The following STIM1 variants were observed in gnomAD, a reference collection of about 807,000 sequenced individuals.
STIM1 encodes the protein stromal interaction molecule 1.
In STIM1, 25 loss-of-function variants were observed where a neutral mutation model predicts 74.7. The observed-to-expected ratio is 0.33, with a 90% CI of 0.24 to 0.47. The LOEUF is 0.47. Among genes scored for constraint, STIM1 ranks in the 20% least tolerant of loss-of-function variants. STIM1 has a pLI of 1.00. For synonymous variants in STIM1, 328 were observed against 348.8 expected, an observed-to-expected ratio of 0.94 and a Z score of 0.66; for missense variants, 728 against 920.8, an observed-to-expected ratio of 0.79 and a Z score of 2.71.
intron 6 of STIM1, among the ~76,000 whole-genome samples, chr11:4,072,741 T>G (rs1474415275): frequency 6.6e-6 from 1 of 152,230 alleles, no homozygotes; most frequent in Non-Finnish European, 1.5e-5. Context: ...GGACAGTATT[T>G]CAGTGAAGAA....
At chr11:4,043,921 A>G (rs2094169520) in intron 3 of STIM1, among the ~76,000 whole-genome samples, 1 of 152,170 alleles carries the variant, frequency 6.6e-6, no homozygotes, top group African/African-American at 2.4e-5. Context: ...AGGCTGAGGC[A>G]GGAGAATCGC....
chr11:3,860,620 G>A (rs185632303), intron 1 of STIM1, among the ~76,000 whole-genome samples: 35 of 152,188 alleles, frequency 2.3e-4, no homozygotes, highest in African/African-American at 7.2e-4. Context: ...GATGAAAAGC[G>A]GCTGCCTAAT....
intron 2 of STIM1, among the ~76,000 whole-genome samples, chr11:3,980,519 T>C (rs997526850): frequency 6.6e-6 from 1 of 151,132 alleles, no homozygotes; most frequent in Non-Finnish European, 1.5e-5. Flanking sequence ...GGTTCATGCC[T>C]ATAATCTCAG....
At chr11:3,903,332 T>G (rs950775962) in intron 1 of STIM1, 1 of 152,228 alleles carries the variant, frequency 6.6e-6, no homozygotes, top group African/African-American at 2.4e-5. Context: ...GCAACTTGTT[T>G]GTAAGTATTG....
chr11:4,091,414 G>A lies in STIM1; in HGVS notation c.1767G>A (p.Arg589=), dbSNP rs776980519. 1.2e-6 allele frequency: 2 copies of A among 1,614,218 alleles called. No individual in the cohort carries two copies. Among genetic ancestry groups the A allele is most frequent in the Non-Finnish European group, 1.7e-6 (2 of 1,180,032 alleles). Residue 589 remains arginine (R), a synonymous_variant, in exon 13 of 13, where the codon CGG becomes CGA. Coordinates refer to ENST00000526596, the MANE Select transcript of STIM1 (RefSeq NM_001382567.1). The stretch of plus-strand genomic sequence containing the variant: ...CCATGACTTCCAATGGCAGCCACCG[G>A]CTGATCGAGGGGGTCCACCCAGGGT... ...LNAMTSNGSH[R]LIEGVHPGSL...
At chr11:3,981,570 G>A (rs964615196) in intron 2 of STIM1, among the ~76,000 whole-genome samples, 1 of 152,194 alleles carries the variant, frequency 6.6e-6, no homozygotes, top group African/African-American at 2.4e-5. Context: ...AGAGTGGGCT[G>A]GTCAATGGTA....
At chr11:4,061,667 A>G (rs1333409050) in intron 5 of STIM1, among the ~76,000 whole-genome samples, 1 of 152,192 alleles carries the variant, frequency 6.6e-6, no homozygotes, top group East Asian at 1.9e-4. Flanking sequence ...ATTGAAGACA[A>G]GTACTCAAAC....
chr11:4,079,159 C>T (rs1412699651), intron 7 of STIM1, among the ~76,000 whole-genome samples: 4 of 151,836 alleles, frequency 2.6e-5, no homozygotes, highest in South Asian at 4.1e-4. Flanking sequence ...GGCGTGGTGG[C>T]GGGTGTCTGT....
chr11:4,064,684 G>C (rs541896864), intron 5 of STIM1, among the ~76,000 whole-genome samples: 76 of 152,290 alleles, frequency 5.0e-4, no homozygotes, highest in African/African-American at 1.8e-3. Context: ...CTTGGGAAGA[G>C]GGAAGAGGGA....
In STIM1 at chr11:4,091,626, C is replaced by T; in HGVS notation, c.1979C>T (p.Pro660Leu). ...TCCCCAGACCCAGACACACCATCTC[C>T]AGTTGGGGACAGCCGAGCCCTGCAA... ...PSSPDPDTPS[P>L]VGDSRALQAS... The change falls in exon 13 of 13, where the codon CCA becomes CTA. Residue 660 changes from proline to leucine, a missense_variant. Pro to Leu is a moderately conservative substitution (Grantham distance 98). Coordinates refer to ENST00000526596, the MANE Select transcript of STIM1 (RefSeq NM_001382567.1). The T allele has an allele frequency of 6.2e-7, 1 of 1,614,214 alleles. No individual in the cohort carries two copies. Among genetic ancestry groups the T allele is most frequent in the Non-Finnish European group, 8.5e-7 (1 of 1,180,030 alleles).
Position 4,038,660 on chromosome 11 carries a change from G to A in STIM1, c.385+14673G>A, listed in dbSNP as rs718937. 1.9e-3 allele frequency among the ~76,000 whole-genome samples: 290 copies of A among 152,276 alleles called. 4 individuals carry two copies. Among genetic ancestry groups the A allele is most frequent in the African/African-American group, 6.7e-3 (279 of 41,564 alleles). On this transcript the variant is annotated intron_variant, in intron 3 of 12. Coordinates refer to ENST00000526596, the MANE Select transcript of STIM1 (RefSeq NM_001382567.1). Reference sequence around the variant, plus strand: ...GGAGGGGTAATTTTAATTCAGGAGGGAGGGTAAATTCCATCTCTGGTACTT... The same window carrying A: ...GGAGGGGTAATTTTAATTCAGGAGGAAGGGTAAATTCCATCTCTGGTACTT...
chr11:3,995,575 C>T (rs989127537), intron 2 of STIM1, among the ~76,000 whole-genome samples: 1 of 152,168 alleles, frequency 6.6e-6, no homozygotes, highest in Non-Finnish European at 1.5e-5. Flanking sequence ...AATTGCTTCC[C>T]AGACTAATCC....
chr11:4,035,146 G>A (rs1158741110), intron 3 of STIM1, among the ~76,000 whole-genome samples: 1 of 151,586 alleles, frequency 6.6e-6, no homozygotes, highest in Non-Finnish European at 1.5e-5. Flanking sequence ...TTTTAGTTTG[G>A]TAAGGTGAAA....
intron 2 of STIM1, among the ~76,000 whole-genome samples, chr11:3,991,974 A>AAAAAAAAAAAAAAAG (rs2093617447): frequency 9.0e-4 from 40 of 44,480 alleles, no homozygotes; most frequent in Admixed American, 1.6e-3. Flanking sequence ...AAAAAAAAAG[A>AAAAAAAAAAAAAAAG]AAAAAAAAAA....
At chr11:4,027,999 A>AT (rs2094012130) in intron 3 of STIM1, among the ~76,000 whole-genome samples, 2 of 152,182 alleles carry the variant, frequency 1.3e-5, no homozygotes, top group South Asian at 4.1e-4. Context: ...CATGGCTTTC[A>AT]TTTTTTCTAA....
At chr11:3,872,697 A>G (rs1025757921) in intron 1 of STIM1, among the ~76,000 whole-genome samples, 1 of 151,070 alleles carries the variant, frequency 6.6e-6, no homozygotes, top group Non-Finnish European at 1.5e-5. Context: ...AATTTTTTGT[A>G]TTTTTAGTAG....
chr11:3,881,464 G>A (rs1272231209), intron 1 of STIM1, among the ~76,000 whole-genome samples: 8 of 151,666 alleles, frequency 5.3e-5, no homozygotes, highest in Non-Finnish European at 8.8e-5. Flanking sequence ...TCCGCCTCCC[G>A]GGTTCATGCC....
chr11:4,084,519 G>T (rs2094481764), intron 10 of STIM1, among the ~76,000 whole-genome samples, 154 bp from the exon 11 acceptor site: 1 of 152,196 alleles, frequency 6.6e-6, no homozygotes, highest in Non-Finnish European at 1.5e-5. Flanking sequence ...TTGCTGATCT[G>T]AAGGCTTCTG....
At chr11:3,960,884 A>G (rs938764038) in intron 1 of STIM1, among the ~76,000 whole-genome samples, 4 of 152,230 alleles carry the variant, frequency 2.6e-5, no homozygotes, top group Non-Finnish European at 5.9e-5. Flanking sequence ...TCAGAAAACA[A>G]TTATTTTCCA....
Sources: allele counts gnomAD v4.1 joint callset (sites outside exome capture counted in the v4.1 genomes callset), GRCh38; gene constraint gnomAD v4.1.1; transcripts MANE v1.5; gene names NCBI Gene and HGNC (gene_info 2026-07-23, HGNC 2026-07-21).